The following SCCPDH variants were observed in gnomAD, a reference collection of about 807,000 sequenced individuals.
SCCPDH encodes saccharopine dehydrogenase (putative).
In SCCPDH, 34 loss-of-function variants were observed where a neutral mutation model predicts 51.5. The observed-to-expected ratio is 0.66, with a 90% CI of 0.50 to 0.88. SCCPDH has a LOEUF of 0.88. SCCPDH is among the 40% of genes least tolerant of loss of function. The pLI, the probability that SCCPDH is intolerant of heterozygous loss-of-function variation, is 0.00. For synonymous variants in SCCPDH, 187 were observed against 191.3 expected, an observed-to-expected ratio of 0.98 and a Z score of 0.19; for missense variants, 464 against 527.1, an observed-to-expected ratio of 0.88 and a Z score of 1.17.
intron 5 of SCCPDH, among the ~76,000 whole-genome samples, chr1:246,757,882 T>C (rs1005067515): frequency 2.0e-5 from 3 of 151,970 alleles, no homozygotes; most frequent in African/African-American, 7.3e-5. Flanking sequence ...CTGCAGATCA[T>C]ATGGGGCAGA....
chr1:246,743,469 G>C (rs1668710508), intron 4 of SCCPDH, among the ~76,000 whole-genome samples: 1 of 151,954 alleles, frequency 6.6e-6, no homozygotes, highest in African/African-American at 2.4e-5. Flanking sequence ...TGTAATCCCA[G>C]CTACTTGGGA....
chr1:246,732,431 A>G (rs1474873648), intron 2 of SCCPDH, among the ~76,000 whole-genome samples: 4 of 151,504 alleles, frequency 2.6e-5, no homozygotes, highest in Non-Finnish European at 5.9e-5. Context: ...TCTGTCACCC[A>G]GGCGGAAATG....
intron 2 of SCCPDH, among the ~76,000 whole-genome samples, chr1:246,731,964 TTTGGTTTTCTGTCC>T (rs1399876809): frequency 1.3e-5 from 2 of 151,890 alleles, no homozygotes; most frequent in Non-Finnish European, 2.9e-5. Context: ...TCATGCGGTA[TTTGGTTTTCTGTCC>T]TTGTGATAGT....
chr1:246,759,260 AC>A lies in SCCPDH; in HGVS notation c.813+110del, dbSNP rs1231883493. On this transcript the variant is annotated intron_variant, in intron 7 of 11. Coordinates refer to ENST00000366510, the MANE Select transcript of SCCPDH (RefSeq NM_016002.3). ...GCAGAAAAAGGAAGAGCTAAGTAAT[AC>A]ATGTTTCAGCCTCTGGAAATACACA... 34 of 676,204 alleles carry A rather than the reference AC, an allele frequency of 5.0e-5. No homozygotes were observed. The African/African-American group carries it at 6.0e-4, about 12-fold the overall frequency. The allele number at this position is 676,204 out of a possible 1,614,324, so 41.9% of individuals were successfully genotyped here.
chr1:246,740,221 G>A lies in SCCPDH; in HGVS notation c.434G>A (p.Gly145Glu), dbSNP rs184777310. 14 of 1,607,140 alleles carry A rather than the reference G, an allele frequency of 8.7e-6. No individual in the cohort carries two copies. In the Admixed American group the frequency reaches 2.3e-4, roughly 27 times the overall value. ...LKYHEKAADKGVYIIGSSGFD... is the reference protein window; with the variant it reads ...LKYHEKAADKEVYIIGSSGFD... ...TATCATGAGAAAGCTGCAGACAAAGGGGTTTATATCATTGGAAGCAGCGGC... is the reference window on the plus strand; with the variant it reads ...TATCATGAGAAAGCTGCAGACAAAGAGGTTTATATCATTGGAAGCAGCGGC... The change falls in exon 4 of 12, where the codon GGG becomes GAG. Residue 145 changes from glycine to glutamate, a missense_variant. Gly to Glu is a moderately conservative substitution (Grantham distance 98). Coordinates refer to ENST00000366510, the MANE Select transcript of SCCPDH (RefSeq NM_016002.3).
At chr1:246,740,390 GA>G in intron 4 of SCCPDH, 89 bp downstream of exon 4, 1 of 1,173,352 alleles carries the variant, frequency 8.5e-7, no homozygotes, top group South Asian at 2.0e-5. Context: ...AAATCTAGTT[GA>G]AAAAAGAAAC....
intron 2 of SCCPDH, among the ~76,000 whole-genome samples, chr1:246,728,358 C>T (rs990520095): frequency 6.6e-6 from 1 of 152,220 alleles, no homozygotes; most frequent in Admixed American, 6.5e-5. Flanking sequence ...CACTGCTGCA[C>T]TCTATAATGG....
chr1:246,727,480 T>C (rs1371725058), intron 2 of SCCPDH, among the ~76,000 whole-genome samples: 3 of 152,152 alleles, frequency 2.0e-5, no homozygotes, highest in Non-Finnish European at 2.9e-5. Context: ...GACACAATGG[T>C]GAACAAAACA....
intron 9 of SCCPDH, among the ~76,000 whole-genome samples, chr1:246,762,644 C>G (rs533081780): frequency 6.6e-6 from 1 of 151,966 alleles, no homozygotes; most frequent in Non-Finnish European, 1.5e-5. Context: ...GAGTTCAAGA[C>G]CAGCCTGGCC....
At chr1:246,748,030 C>T (rs1207477842) in intron 5 of SCCPDH, among the ~76,000 whole-genome samples, 1 of 152,168 alleles carries the variant, frequency 6.6e-6, no homozygotes, top group Non-Finnish European at 1.5e-5. Context: ...TTTATTCTAT[C>T]CTACAATTTC....
intron 4 of SCCPDH, among the ~76,000 whole-genome samples, chr1:246,741,090 A>T (rs754554011): frequency 6.6e-6 from 1 of 152,120 alleles, no homozygotes. Context: ...TCTCTTAGAA[A>T]AAAGCAAAAA....
intron 5 of SCCPDH, among the ~76,000 whole-genome samples, chr1:246,746,958 C>G (rs1668770119): frequency 6.6e-6 from 1 of 152,190 alleles, no homozygotes; most frequent in African/African-American, 2.4e-5. Context: ...GCAACTGGAA[C>G]AAAGGCTCAG....
intron 5 of SCCPDH, among the ~76,000 whole-genome samples, chr1:246,748,206 C>CGGAT (rs2102986554): frequency 6.6e-6 from 1 of 152,196 alleles, no homozygotes; most frequent in African/African-American, 2.4e-5. Context: ...GACTAGCCCA[C>CGGAT]GGATGCACGG....
Position 246,740,153 on chromosome 1 carries a change from CT to C in SCCPDH, c.385-17del. On this transcript the variant is annotated intron_variant, in intron 3 of 11. Transcript: ENST00000366510. ...TCTTTCTGCATAACTAATTAAAATT[CT>C]TATCCTGGATTTTTTAGTTTCTGGA... The C allele has an allele frequency of 6.5e-7, 1 of 1,548,584 alleles. No individual in the cohort carries two copies. Among genetic ancestry groups the C allele is most frequent in the Non-Finnish European group, 8.8e-7 (1 of 1,137,722 alleles).
At position 246,740,159 on chromosome 1, in the gene SCCPDH, C is replaced by G. The variant is rs1362347414; in HGVS notation, c.385-13C>G. On this transcript the variant is annotated splice_polypyrimidine_tract_variant and intron_variant, in intron 3 of 11. Transcript: ENST00000366510. ...TGCATAACTAATTAAAATTCTTATC[C>G]TGGATTTTTTAGTTTCTGGAACTAA... 5 of 1,555,256 alleles carry G rather than the reference C, an allele frequency of 3.2e-6. No individual in the cohort carries two copies. In the Admixed American group the frequency reaches 5.5e-5, roughly 17 times the overall value.
chr1:246,744,254 A>ATAC (rs1184853601), intron 5 of SCCPDH, 129 bp downstream of exon 5: 1 of 444,114 alleles, frequency 2.3e-6, no homozygotes, highest in African/African-American at 2.0e-5. Flanking sequence ...TTTTAAAAAG[A>ATAC]TACATTGCCA....
rs1192454192 is a variant in SCCPDH, at chr1:246,767,930, A to C, written c.*630A>C. 2 of 152,298 alleles carry C rather than the reference A, an allele frequency of 1.3e-5. No individual in the cohort carries two copies. The highest frequency in any genetic ancestry group is 2.9e-5 in the Non-Finnish European group (2 of 68,022). The allele number at this position is 152,298 out of a possible 1,614,324, so 9.4% of individuals were successfully genotyped here. The stretch of plus-strand genomic sequence containing the variant: ...CTGTTTCTTGCCAATAAGTAGGCTT[A>C]TCATTTTATCTTTACGTAATTCTAT... On this transcript the variant is annotated 3_prime_UTR_variant, in exon 12 of 12. Transcript: ENST00000366510.
chr1:246,737,213 T>C (rs1273356618), intron 3 of SCCPDH, among the ~76,000 whole-genome samples: 1 of 140,820 alleles, frequency 7.1e-6, no homozygotes, highest in Non-Finnish European at 1.5e-5. Flanking sequence ...AAAAATTGAT[T>C]CAAAAAGGAG....
At chr1:246,762,002 C>G (rs570542183) in intron 9 of SCCPDH, among the ~76,000 whole-genome samples, 1 of 152,328 alleles carries the variant, frequency 6.6e-6, no homozygotes, top group East Asian at 1.9e-4. Flanking sequence ...GTTTTACCTT[C>G]CCACAAGCAG....
Sources: allele counts gnomAD v4.1 joint callset (sites outside exome capture counted in the v4.1 genomes callset), GRCh38; gene constraint gnomAD v4.1.1; transcripts MANE v1.5; gene names NCBI Gene and HGNC (gene_info 2026-07-23, HGNC 2026-07-21).